AP1G1: variants seen among roughly 807,000 people sequenced by gnomAD.
AP1G1 encodes AP-1 complex subunit gamma-1.
In AP1G1, 7 loss-of-function variants were observed where a neutral mutation model predicts 108.3. The ratio of observed to expected loss-of-function variants is 0.06; its 90% CI spans 0.04 to 0.12. AP1G1 has a LOEUF of 0.12. Among genes scored for constraint, AP1G1 ranks in the 10% least tolerant of loss-of-function variants. AP1G1 has a pLI of 1.00. For synonymous variants in AP1G1, 379 were observed against 353.5 expected, an observed-to-expected ratio of 1.07 and a Z score of -0.81; for missense variants, 756 against 1,010.7, an observed-to-expected ratio of 0.75 and a Z score of 3.42.
chr16:71,745,100 C>A (rs780053433), intron 19 of AP1G1, 44 bp downstream of exon 19: 3 of 1,605,988 alleles, frequency 1.9e-6, no homozygotes, highest in South Asian at 2.2e-5. Context: ...TTCCCTGAGG[C>A]CTCTATCTTT....
chr16:71,765,428 T>C (rs1004170597), intron 7 of AP1G1, 61 bp downstream of exon 7: 42 of 1,216,074 alleles, frequency 3.5e-5, no homozygotes, highest in East Asian at 7.3e-5. Flanking sequence ...AGGAAGGAAA[T>C]TGTCTACTTA....
rs556132900 is a variant in AP1G1, at chr16:71,769,067, G to A, written c.642+556C>T. Among the ~76,000 whole-genome samples the A allele has an allele frequency of 7.5e-5, 11 of 146,180 alleles. No individual in the cohort carries two copies. The East Asian group carries it at 2.3e-3, about 30-fold the overall frequency. The stretch of plus-strand genomic sequence containing the variant: ...GGAGGCTGAGGCGGGCTGATCACCT[G>A]AGGTCAGGAGTTCAAGACCAGCTTG... On this transcript the variant is annotated intron_variant, in intron 6 of 22. Coordinates refer to ENST00000299980, the MANE Select transcript of AP1G1 (RefSeq NM_001128.6).
intron 2 of AP1G1, among the ~76,000 whole-genome samples, chr16:71,781,997 T>C (rs536594373): frequency 6.6e-6 from 1 of 152,284 alleles, no homozygotes; most frequent in South Asian, 2.1e-4. Flanking sequence ...TTTGTGACAT[T>C]AGCAGCAACT....
chr16:71,758,707 T>C, intron 11 of AP1G1, 101 bp downstream of exon 11: 1 of 685,810 alleles, frequency 1.5e-6, no homozygotes, highest in Non-Finnish European at 2.6e-6. Context: ...ACACTCTTGC[T>C]CTGAAAACAA....
At chr16:71,766,112 A>C (rs1283127776) in intron 6 of AP1G1, among the ~76,000 whole-genome samples, 1 of 152,190 alleles carries the variant, frequency 6.6e-6, no homozygotes, top group African/African-American at 2.4e-5. Context: ...AACAAACAAC[A>C]GGGAATACCA....
intron 5 of AP1G1, 25 bp downstream of exon 5, chr16:71,771,131 C>A: frequency 7.0e-7 from 1 of 1,422,708 alleles, no homozygotes; most frequent in Non-Finnish European, 9.9e-7. Context: ...CTCAATACTT[C>A]ATGAATACAT....
chr16:71,735,387 G>A (rs910584428), intron 21 of AP1G1, among the ~76,000 whole-genome samples: 2 of 152,194 alleles, frequency 1.3e-5, no homozygotes, highest in African/African-American at 4.8e-5. Flanking sequence ...GTGCTGGCTG[G>A]GTGTGGTGGC....
chr16:71,746,670 T>C lies in AP1G1; in HGVS notation c.1648A>G (p.Ile550Val), dbSNP rs143357071. ...TVNRIKKVVS[I>V]YGSSIDVELQ... ...TCCACATCAATGCTGCTTCCGTAGA[T>C]GGAAACCACTTTCTTAATTCGGCTA... Residue 550 changes from isoleucine to valine, a missense_variant, in exon 17 of 23, where the codon ATC becomes GTC. Coordinates refer to ENST00000299980, the MANE Select transcript of AP1G1 (RefSeq NM_001128.6). 6 of 1,612,304 alleles carry C rather than the reference T, an allele frequency of 3.7e-6. No individual in the cohort carries two copies. The highest frequency in any genetic ancestry group is 2.2e-5 in the South Asian group (2 of 90,782).
intron 21 of AP1G1, among the ~76,000 whole-genome samples, 172 bp downstream of exon 21, chr16:71,738,770 T>C (rs2045582067): frequency 6.6e-6 from 1 of 152,198 alleles, no homozygotes; most frequent in Admixed American, 6.5e-5. Flanking sequence ...GTAAAAATTA[T>C]TCACTAAAAA....
chr16:71,791,656 AGAGT>A (rs1216658233), intron 1 of AP1G1, among the ~76,000 whole-genome samples: 1 of 141,990 alleles, frequency 7.0e-6, no homozygotes, highest in African/African-American at 2.6e-5. Flanking sequence ...CCTGGGTGAC[AGAGT>A]GAGACCCTGT....
intron 2 of AP1G1, 135 bp from the exon 3 acceptor site, chr16:71,774,727 TTC>T (rs2031710020): frequency 1.0e-6 from 1 of 994,388 alleles, no homozygotes; most frequent in Non-Finnish European, 1.4e-6. Context: ...CCTAAATCTT[TTC>T]TTTTTTTTGA....
At chr16:71,788,418 T>A (rs1238338424) in intron 2 of AP1G1, among the ~76,000 whole-genome samples, 1 of 152,148 alleles carries the variant, frequency 6.6e-6, no homozygotes, top group Non-Finnish European at 1.5e-5. Context: ...AAAGTACTTA[T>A]CATTGAGACT....
chr16:71,808,679 T>C (rs1166215865), intron 1 of AP1G1, 84 bp downstream of exon 1: 2 of 1,287,422 alleles, frequency 1.6e-6, no homozygotes, highest in East Asian at 5.6e-5. Context: ...CCCCTGAAAC[T>C]GAAAGGAAGC....
chr16:71,753,807 T>C, intron 13 of AP1G1, 26 bp downstream of exon 13: 4 of 1,605,084 alleles, frequency 2.5e-6, no homozygotes, highest in Non-Finnish European at 3.4e-6. Context: ...GCACTTCGTA[T>C]ATGCTGTCTG....
chr16:71,756,456 A>G (rs1156539317), intron 11 of AP1G1: 1 of 254,958 alleles, frequency 3.9e-6, no homozygotes, highest in Admixed American at 5.5e-5. Context: ...CAAAGGTGGA[A>G]GTTAGAATAC....
In AP1G1 at chr16:71,748,353, A is replaced by G. The variant is rs1469923413; in HGVS notation, c.1523T>C (p.Ile508Thr). The G allele has an allele frequency of 6.8e-6, 11 of 1,613,538 alleles. No individual in the cohort carries two copies. Among genetic ancestry groups the G allele is most frequent in the Non-Finnish European group, 9.3e-6 (11 of 1,179,852 alleles). ...IQVTEDEVLD[I>T]LESVLISNMS... ...ATTAGAGATTAGGACACTTTCTAAA[A>G]TATCCAACACTTCATCCTCTGTTAC... Residue 508 changes from isoleucine to threonine, a missense_variant, in exon 16 of 23, where the codon ATT (isoleucine) becomes ACT (threonine). This residue lies in a region of AP1G1 where 357 missense variants were observed against 366.5 expected (regional missense o/e 0.97). Coordinates refer to ENST00000299980, the MANE Select transcript of AP1G1 (RefSeq NM_001128.6).
rs1407348378 is a variant in AP1G1, at chr16:71,750,351, A to C, written c.1285-19T>G. On this transcript the variant is annotated intron_variant, in intron 13 of 22. Transcript: ENST00000299980. ...TTCCTGCCTAAAAGGAAATGCAGAC[A>C]ATTACCCCTAGAAACACACAGAAAT... is the stretch of plus-strand genomic sequence containing the variant. The C allele has an allele frequency of 6.2e-7, 1 of 1,613,094 alleles. No individual in the cohort carries two copies. Among genetic ancestry groups the C allele is most frequent in the East Asian group, 2.2e-5 (1 of 44,864 alleles).
intron 1 of AP1G1, among the ~76,000 whole-genome samples, chr16:71,792,867 A>T (rs2032455724): frequency 6.6e-6 from 1 of 151,978 alleles, no homozygotes; most frequent in South Asian, 2.1e-4. Flanking sequence ...GAAAGAAAAA[A>T]AAAAGGAATT....
intron 13 of AP1G1, among the ~76,000 whole-genome samples, chr16:71,750,882 T>G (rs112550680): frequency 2.0e-5 from 3 of 151,470 alleles, no homozygotes; most frequent in African/African-American, 7.3e-5. Flanking sequence ...AAAGGCCGGG[T>G]GTGGTGGCTC....
Sources: allele counts gnomAD v4.1 joint callset (sites outside exome capture counted in the v4.1 genomes callset), GRCh38; gene constraint gnomAD v4.1.1; regional missense constraint gnomAD v4.1.1; transcripts MANE v1.5; gene names NCBI Gene and HGNC (gene_info 2026-07-23, HGNC 2026-07-21).